The following TMEM9 variants were observed in gnomAD, a reference collection of about 807,000 sequenced individuals.
The protein encoded by TMEM9 is transmembrane protein 9.
TMEM9 carries 13 observed loss-of-function variants against 22.8 expected under a neutral mutation model. The observed-to-expected ratio is 0.57, with a 90% CI of 0.37 to 0.91. TMEM9 has a LOEUF of 0.91. TMEM9 is among the 40% of genes least tolerant of loss of function. The probability of loss-of-function intolerance (pLI) is 0.01; values close to 1 mark genes in which losing one functional copy is unlikely to be tolerated. For missense variants in TMEM9, 182 were observed against 238.1 expected (o/e 0.76, Z 1.55); for synonymous variants, 88 against 93.0 (o/e 0.95, Z 0.31).
chr1:201,137,814 T>C (rs978333568), intron 4 of TMEM9, among the ~76,000 whole-genome samples: 1 of 152,246 alleles, frequency 6.6e-6, no homozygotes, highest in East Asian at 1.9e-4. Flanking sequence ...TGGAAGCCAC[T>C]AGGCAGTAAG....
chr1:201,143,626 C>A (rs1036422007), intron 4 of TMEM9, among the ~76,000 whole-genome samples, 194 bp downstream of exon 4: 3 of 152,198 alleles, frequency 2.0e-5, no homozygotes, highest in Non-Finnish European at 4.4e-5. Context: ...GCTTGATGCC[C>A]GGTGTCCTGC....
chr1:201,165,447 T>C (rs111786930), intron 1 of TMEM9, among the ~76,000 whole-genome samples: 23 of 123,258 alleles, frequency 1.9e-4, no homozygotes, highest in South Asian at 2.6e-4. Context: ...TTCTTTCTTT[T>C]TTTTTTTTGA....
intron 1 of TMEM9, among the ~76,000 whole-genome samples, chr1:201,153,360 G>A (rs1245442209): frequency 6.6e-6 from 1 of 152,196 alleles, no homozygotes; most frequent in African/African-American, 2.4e-5. Flanking sequence ...GTTCAGTGTA[G>A]ATAAACTTTG....
chr1:201,146,445 G>A (rs947655334), intron 3 of TMEM9, among the ~76,000 whole-genome samples: 3 of 152,180 alleles, frequency 2.0e-5, no homozygotes, highest in African/African-American at 4.8e-5. Flanking sequence ...ATAGAAGAAG[G>A]GAGAGGAACG....
At chr1:201,142,831 C>A (rs745627710) in intron 4 of TMEM9, among the ~76,000 whole-genome samples, 8 of 152,216 alleles carry the variant, frequency 5.3e-5, no homozygotes, top group Non-Finnish European at 1.0e-4. Context: ...GGTACATGAG[C>A]GCATAAAGGG....
chr1:201,171,521 T>C (rs1666210469), exon 1 of TMEM9: 1 of 152,080 alleles, frequency 6.6e-6, no homozygotes, highest in African/African-American at 2.4e-5. Context: ...GATCTGTGGG[T>C]GTTAGAGGCT....
At chr1:201,151,891 G>T (rs770402495) in intron 1 of TMEM9, 39 bp from the exon 2 acceptor site, 1 of 1,546,530 alleles carries the variant, frequency 6.5e-7, no homozygotes, top group East Asian at 2.2e-5. Context: ...CAGAGACCCT[G>T]CCTGGGGTTC....
upstream of TMEM9, among the ~76,000 whole-genome samples, chr1:201,155,378 G>A (rs1201159945): frequency 6.6e-6 from 1 of 152,222 alleles, no homozygotes; most frequent in Non-Finnish European, 1.5e-5. Context: ...GAGGTTGGTG[G>A]CTGGATTAGC....
chr1:201,143,752 T>C (rs1664728230), intron 4 of TMEM9, 68 bp downstream of exon 4: 1 of 1,564,026 alleles, frequency 6.4e-7, no homozygotes, highest in East Asian at 2.3e-5. Flanking sequence ...TAGGTGACGC[T>C]CCTCTGGGTT....
At chr1:201,151,125 T>C (rs1163130973) in intron 2 of TMEM9, among the ~76,000 whole-genome samples, 1 of 152,162 alleles carries the variant, frequency 6.6e-6, no homozygotes. Context: ...TTTCAATCAA[T>C]CATCGTGTGT....
At position 201,161,547 on chromosome 1, in the gene TMEM9, A is replaced by G. The variant is rs1287472966; in HGVS notation, c.-36-7588T>C. On this transcript the variant is annotated intron_variant, in intron 1 of 5. Coordinates refer to the TMEM9 transcript ENST00000367333. ...TTATTGTATGTGGGATGCAAACTGT[A>G]TGTGGGGAAAATGTGGTTTCTATGA... Among the ~76,000 whole-genome samples, 3 of 152,344 alleles carry G rather than the reference A, an allele frequency of 2.0e-5. No individual in the cohort carries two copies. The East Asian group carries it at 5.8e-4, about 29-fold the overall frequency.
At chr1:201,138,802 C>T (rs1487152309) in intron 4 of TMEM9, among the ~76,000 whole-genome samples, 1 of 152,236 alleles carries the variant, frequency 6.6e-6, no homozygotes, top group Non-Finnish European at 1.5e-5. Flanking sequence ...CTGCCCAAGG[C>T]TGCATGGCTG....
chr1:201,138,575 C>A (rs1572098323), intron 4 of TMEM9, among the ~76,000 whole-genome samples: 1 of 152,126 alleles, frequency 6.6e-6, no homozygotes, highest in Non-Finnish European at 1.5e-5. Context: ...GCGGGTGGAG[C>A]CCCTCCCAAT....
intron 1 of TMEM9, 59 bp downstream of exon 1, chr1:201,153,799 T>TA (rs773236934): frequency 6.2e-7 from 1 of 1,608,864 alleles, no homozygotes; most frequent in African/African-American, 1.3e-5. Context: ...GTCAGCCCTG[T>TA]AGACAGGGTG....
At chr1:201,171,375 C>G (rs1666206388) in intron 1 of TMEM9, 1 of 152,276 alleles carries the variant, frequency 6.6e-6, no homozygotes, top group African/African-American at 2.4e-5. Context: ...CACCGCTCCG[C>G]GTCCCAGGGA....
intron 2 of TMEM9, among the ~76,000 whole-genome samples, chr1:201,148,909 G>A (rs1665209945): frequency 6.6e-6 from 1 of 152,208 alleles, no homozygotes; most frequent in Admixed American, 6.5e-5. Context: ...CGGAAAAAGG[G>A]TCACCCAGGG....
intron 1 of TMEM9, among the ~76,000 whole-genome samples, chr1:201,165,180 T>TATATATATATATATATATATA (rs1666043029): frequency 9.2e-6 from 1 of 108,828 alleles, no homozygotes; most frequent in Non-Finnish European, 2.0e-5. Flanking sequence ...ATATATATAT[T>TATATATATATATATATATATA]CATTATCATG....
chr1:201,142,964 C>T (rs1183270329), intron 4 of TMEM9, among the ~76,000 whole-genome samples: 12 of 152,242 alleles, frequency 7.9e-5, no homozygotes, highest in Non-Finnish European at 1.3e-4. Flanking sequence ...CTCACTCCCA[C>T]GAAGAGCCCT....
At chr1:201,144,707 TC>T (rs2102248295) in intron 3 of TMEM9, 1 of 152,270 alleles carries the variant, frequency 6.6e-6, no homozygotes, top group African/African-American at 2.4e-5. Flanking sequence ...GCATCCATGG[TC>T]CCTGTAACAG....
Sources: gnomAD v4.1 joint callset for allele counts (sites outside exome capture counted in the v4.1 genomes callset) on GRCh38, gnomAD v4.1.1 for gene constraint, MANE v1.5 for transcripts, NCBI Gene and HGNC (gene_info 2026-07-23, HGNC 2026-07-21) for gene names.